Variants in SUMF1 observed in about 807,000 individuals in gnomAD.
SUMF1 encodes formylglycine-generating enzyme.
SUMF1 carries 48 observed loss-of-function variants against 47.6 expected under a neutral mutation model. The ratio of observed to expected loss-of-function variants is 1.01; its 90% confidence interval spans 0.80 to 1.28. The LOEUF is 1.28. SUMF1 is among the 50% of genes most tolerant of loss of function. The pLI, the probability that SUMF1 is intolerant of heterozygous loss-of-function variation, is 0.00. For missense variants in SUMF1, 571 were observed against 485.4 expected (o/e 1.18, Z -1.66); for synonymous variants, 230 against 192.1 (o/e 1.20, Z -1.63).
intron 8 of SUMF1, among the ~76,000 whole-genome samples, chr3:4,120,703 T>C (rs184207748): frequency 6.6e-6 from 1 of 152,206 alleles, no homozygotes; most frequent in East Asian, 1.9e-4. Context: ...TTGGGCAAAG[T>C]GACTTACGAG....
chr3:4,193,429 C>G (rs1695363224), intron 8 of SUMF1, among the ~76,000 whole-genome samples: 2 of 151,928 alleles, frequency 1.3e-5, no homozygotes, highest in African/African-American at 4.8e-5. Context: ...AATTTGCAGC[C>G]AGTTGATCAG....
chr3:4,070,478 C>T (rs1049142009), intron 8 of SUMF1, among the ~76,000 whole-genome samples: 9 of 152,160 alleles, frequency 5.9e-5, no homozygotes, highest in Non-Finnish European at 1.3e-4. Context: ...TTCTAAGAGA[C>T]ACACCATTCT....
intron 8 of SUMF1, among the ~76,000 whole-genome samples, chr3:4,074,526 C>T (rs1692374933): frequency 6.6e-6 from 1 of 151,810 alleles, no homozygotes; most frequent in Admixed American, 6.6e-5. Context: ...ACAAAAAAAC[C>T]CTTCAAAAAA....
intron 8 of SUMF1, among the ~76,000 whole-genome samples, chr3:4,184,625 A>G: frequency 6.7e-6 from 1 of 150,332 alleles, no homozygotes; most frequent in African/African-American, 2.5e-5. Flanking sequence ...ATCTGTCTAT[A>G]TATTTACAGA....
At chr3:4,080,922 C>G (rs1357577128) in intron 8 of SUMF1, among the ~76,000 whole-genome samples, 1 of 152,062 alleles carries the variant, frequency 6.6e-6, no homozygotes, top group Non-Finnish European at 1.5e-5. Context: ...TTCTCACTTC[C>G]TAGCTGGTGA....
intron 8 of SUMF1, among the ~76,000 whole-genome samples, chr3:4,095,657 T>C (rs1412551756): frequency 2.0e-5 from 3 of 151,900 alleles, no homozygotes; most frequent in Admixed American, 6.6e-5. Flanking sequence ...AGCAGAACAA[T>C]ATAAAACAAA....
chr3:4,044,198 C>T (rs1694965188), intron 9 of SUMF1, among the ~76,000 whole-genome samples: 3 of 152,084 alleles, frequency 2.0e-5, no homozygotes, highest in Admixed American at 1.3e-4. Flanking sequence ...ACCAAAAGCA[C>T]CCAAGAGCTG....
At chr3:4,167,354 C>A (rs1220611621) in intron 8 of SUMF1, among the ~76,000 whole-genome samples, 1 of 152,064 alleles carries the variant, frequency 6.6e-6, no homozygotes, top group Admixed American at 6.5e-5. Flanking sequence ...TGCCTTTTTT[C>A]CAATCCTCCC....
intron 8 of SUMF1, among the ~76,000 whole-genome samples, chr3:4,231,664 G>A (rs1022400545): frequency 9.9e-5 from 15 of 152,134 alleles, no homozygotes; most frequent in Non-Finnish European, 2.1e-4. Flanking sequence ...ACAGCCTTCT[G>A]TTAAGAAATC....
intron 8 of SUMF1, among the ~76,000 whole-genome samples, chr3:4,085,940 C>G (rs1692662782): frequency 6.6e-6 from 1 of 152,040 alleles, no homozygotes; most frequent in Non-Finnish European, 1.5e-5. Flanking sequence ...ACTCAAACCA[C>G]CTAGTCTAGC....
At chr3:4,182,609 A>G (rs183086723) in intron 8 of SUMF1, among the ~76,000 whole-genome samples, 155 of 152,056 alleles carry the variant, frequency 1.0e-3, no homozygotes, top group African/African-American at 3.5e-3. Context: ...TTCCACCCCA[A>G]TTCTCCAAAT....
chr3:4,255,038 A>G (rs1374066419), intron 8 of SUMF1, among the ~76,000 whole-genome samples: 3 of 150,866 alleles, frequency 2.0e-5, no homozygotes, highest in Non-Finnish European at 4.5e-5. Context: ...AAGGAGAAAT[A>G]AAATCCTTTA....
At chr3:4,118,972 G>A (rs1470061179) in intron 8 of SUMF1, among the ~76,000 whole-genome samples, 2 of 152,062 alleles carry the variant, frequency 1.3e-5, no homozygotes, top group African/African-American at 4.8e-5. Context: ...ACTTCCAGCT[G>A]TCTATATCTT....
chr3:4,449,155 T>C (rs575708038), intron 3 of SUMF1, 111 bp downstream of exon 3: 67 of 1,148,596 alleles, frequency 5.8e-5, no homozygotes, highest in Non-Finnish European at 7.4e-5. Flanking sequence ...AGCAGGAGAA[T>C]GGTTAGGTGT....
chr3:4,439,659 A>G (rs1483833916), intron 3 of SUMF1, among the ~76,000 whole-genome samples: 1 of 152,172 alleles, frequency 6.6e-6, no homozygotes, highest in South Asian at 2.1e-4. Flanking sequence ...GGGTTTGGGC[A>G]AGAAAAGTCT....
intron 8 of SUMF1, among the ~76,000 whole-genome samples, chr3:4,219,586 A>G (rs1696016712): frequency 6.6e-6 from 1 of 152,110 alleles, no homozygotes; most frequent in Non-Finnish European, 1.5e-5. Context: ...TTTGGACCCA[A>G]AATCTCTCTT....
At chr3:4,140,334 T>G (rs1015177068) in intron 8 of SUMF1, among the ~76,000 whole-genome samples, 1 of 152,066 alleles carries the variant, frequency 6.6e-6, no homozygotes, top group Non-Finnish European at 1.5e-5. Flanking sequence ...TTCCTCTTTC[T>G]TTTCCCACAA....
intron 9 of SUMF1, among the ~76,000 whole-genome samples, chr3:4,058,862 C>T (rs1361040933): frequency 2.6e-5 from 4 of 152,036 alleles, no homozygotes; most frequent in Non-Finnish European, 5.9e-5. Flanking sequence ...TAGTTAATAG[C>T]TTTTATAGTG....
rs532188468 is a variant in SUMF1 at position 4,077,356 on chromosome 3, C to T, written c.1015-8611G>A. 1.3e-3 allele frequency among the ~76,000 whole-genome samples: 193 copies of T among 152,184 alleles called. 1 individual carries two copies. The highest frequency in any genetic ancestry group is 4.4e-3 in the African/African-American group (182 of 41,470). On this transcript the variant is annotated intron_variant and NMD_transcript_variant, in intron 8 of 12. Coordinates refer to the SUMF1 transcript ENST00000448413. ...ATGCTACTATAAAGACACATGCACACGTATGTTTATTGTGGCACTATTCAC... is the reference window on the plus strand; with the variant it reads ...ATGCTACTATAAAGACACATGCACATGTATGTTTATTGTGGCACTATTCAC...
Sources: gnomAD v4.1 joint callset for allele counts (sites outside exome capture counted in the v4.1 genomes callset) on GRCh38, gnomAD v4.1.1 for gene constraint, MANE v1.5 for transcripts, NCBI Gene and HGNC (gene_info 2026-07-23, HGNC 2026-07-21) for gene names.